Variants in MORN1 observed in about 807,000 individuals in gnomAD.
The protein encoded by MORN1 is MORN repeat containing 1, also known as MORN repeat-containing protein 1.
In MORN1, 67 loss-of-function variants were observed where a neutral mutation model predicts 61.9. The ratio of observed to expected loss-of-function variants is 1.08; its 90% CI spans 0.89 to 1.33. The LOEUF (loss-of-function observed/expected upper bound fraction) is 1.33. MORN1 is among the 40% of genes most tolerant of loss of function. MORN1 has a pLI of 0.00. For missense variants in MORN1, 752 were observed against 691.2 expected, an observed-to-expected ratio of 1.09 and a Z score of -0.99; for synonymous variants, 301 against 292.0, an observed-to-expected ratio of 1.03 and a Z score of -0.31.
chr1:2,325,125 T>TCCCTCCCTCC (rs1488574511), intron 12 of MORN1, among the ~76,000 whole-genome samples: 2 of 30,792 alleles, frequency 6.5e-5, no homozygotes, highest in Admixed American at 2.8e-4. Context: ...TTCCTTCCCT[T>TCCCTCCCTCC]CCTTCCTTCC....
At chr1:2,373,105 C>G (rs979310407) in intron 7 of MORN1, among the ~76,000 whole-genome samples, 25 of 152,332 alleles carry the variant, frequency 1.6e-4, no homozygotes, top group African/African-American at 6.0e-4. Flanking sequence ...TGGGTGGTGT[C>G]GTCACACCGC....
At chr1:2,378,826 G>T (rs774748903) in intron 6 of MORN1, 6 of 429,076 alleles carry the variant, frequency 1.4e-5, no homozygotes, top group Non-Finnish European at 2.8e-5. Flanking sequence ...TGTGGGGGAC[G>T]GAGATGGCTG....
chr1:2,333,552 G>T (rs778517701), intron 12 of MORN1, among the ~76,000 whole-genome samples: 1 of 152,194 alleles, frequency 6.6e-6, no homozygotes, highest in East Asian at 1.9e-4. Flanking sequence ...GGGAGGTCTC[G>T]GACCTCAGGG....
intron 13 of MORN1, chr1:2,322,132 G>C (rs1190447982): frequency 1.0e-6 from 1 of 985,302 alleles, no homozygotes; most frequent in African/African-American, 1.7e-5. Context: ...CCCTGCTGGG[G>C]GCACTCGGCA....
Position 2,325,105 on chromosome 1 carries a change from T to TTTCCTTCCCTTCCTTCCC in MORN1, c.1251-980_1251-963dup, listed in dbSNP as rs1232980754. On this transcript the variant is annotated intron_variant, in intron 12 of 13. Transcript: ENST00000378531. ...ATCTTACTTTCTTCTTTCTCTCCCC[T>TTTCCTTCCCTTCCTTCCC]TTCCTTCCCTTCCTTCCCTTCCTTC... is the stretch of plus-strand genomic sequence containing the variant. 5.7e-4 allele frequency among the ~76,000 whole-genome samples: 20 copies of TTTCCTTCCCTTCCTTCCC among 35,258 alleles called. 1 individual carries two copies. The highest frequency in any genetic ancestry group is 1.3e-3 in the South Asian group (1 of 774). The allele number at this position is 35,258 out of a possible 152,430, so 23.1% of individuals were successfully genotyped here. A position where few individuals can be genotyped will look rare whatever the true frequency, so the allele number is the denominator to read the frequency against.
chr1:2,360,025 C>T (rs1359626082), intron 8 of MORN1, among the ~76,000 whole-genome samples: 2 of 152,176 alleles, frequency 1.3e-5, no homozygotes, highest in Non-Finnish European at 2.9e-5. Context: ...AAAGCAGGGC[C>T]CAGGCAGGCT....
At chr1:2,355,192 T>C (rs920071812) in intron 10 of MORN1, 9 of 1,242,750 alleles carry the variant, frequency 7.2e-6, no homozygotes, top group Non-Finnish European at 9.1e-6. Flanking sequence ...AGTATTTTTA[T>C]GCAGAAATAT....
chr1:2,340,287 G>T (rs1641367799), intron 10 of MORN1, among the ~76,000 whole-genome samples: 3 of 152,156 alleles, frequency 2.0e-5, no homozygotes, highest in Admixed American at 1.3e-4. Context: ...CTCCTCAGGG[G>T]CCACACACCC....
intron 8 of MORN1, among the ~76,000 whole-genome samples, chr1:2,359,508 G>A (rs528695940): frequency 1.3e-5 from 2 of 152,324 alleles, no homozygotes; most frequent in South Asian, 2.1e-4. Flanking sequence ...AAGACCCCAC[G>A]TGGGAGTGCT....
rs1407957339 is a variant in MORN1 at position 2,370,489 on chromosome 1, T to C, written c.745+1992A>G. ...TCCATAAAAGAAAAAATGGACAAAC[T>C]GGACTTCAGCAAAATGAAAAACTTT... On this transcript the variant is annotated intron_variant, in intron 8 of 13. Coordinates refer to ENST00000378531, the MANE Select transcript of MORN1 (RefSeq NM_024848.3). Among the ~76,000 whole-genome samples, 3 of 152,098 alleles carry C rather than the reference T, an allele frequency of 2.0e-5. No individual in the cohort carries two copies. In the East Asian group the frequency reaches 5.8e-4, roughly 29 times the overall value.
intron 13 of MORN1, 37 bp from the exon 14 acceptor site, chr1:2,321,616 C>T (rs1273817256): frequency 2.1e-6 from 3 of 1,440,904 alleles, no homozygotes; most frequent in Non-Finnish European, 1.8e-6. Context: ...CAGCAGGCTC[C>T]TGTCCCTTCC....
chr1:2,361,279 G>A (rs1370845451), intron 8 of MORN1, among the ~76,000 whole-genome samples: 5 of 151,988 alleles, frequency 3.3e-5, no homozygotes, highest in African/African-American at 7.3e-5. Context: ...ACAAAGAGCC[G>A]GGCGCAGTGA....
rs1642540872 is a variant in MORN1, at chr1:2,387,772, C to T, written c.248-243G>A. ...TCTCTTTGGGCATCTATCCCGAGGG[C>T]AAAGGACCCTCTGGTCGGTTTGCAG... is the stretch of plus-strand genomic sequence containing the variant. On this transcript the variant is annotated intron_variant, in intron 3 of 13. Transcript: ENST00000378531. 1.9e-5 allele frequency: 10 copies of T among 535,200 alleles called. No homozygotes were observed. In the East Asian group the frequency reaches 2.7e-4, roughly 15 times the overall value. The allele number at this position is 535,200 out of a possible 1,614,324, so 33.2% of individuals were successfully genotyped here. A position where few individuals can be genotyped will look rare whatever the true frequency, so the allele number is the denominator to read the frequency against.
chr1:2,384,963 C>T lies in MORN1; in HGVS notation c.537+15G>A, dbSNP rs776546151. ...TGTACCCTCTGGGCAGCAGGTGCCG[C>T]GCGCCCCCGGGTACCTTGTAGGTGG... On this transcript the variant is annotated intron_variant, in intron 6 of 13. Transcript: ENST00000378531. The T allele has an allele frequency of 5.7e-5, 88 of 1,542,564 alleles. No homozygotes were observed. The highest frequency in any genetic ancestry group is 2.3e-4 in the Middle Eastern group (1 of 4,350).
chr1:2,327,195 CAG>C (rs1641048328), intron 12 of MORN1, among the ~76,000 whole-genome samples: 1 of 149,366 alleles, frequency 6.7e-6, no homozygotes, highest in Non-Finnish European at 1.5e-5. Context: ...CACAGAGACA[CAG>C]AAACACACAG....
At chr1:2,369,373 AAAG>A (rs1431521483) in intron 8 of MORN1, among the ~76,000 whole-genome samples, 1 of 151,590 alleles carries the variant, frequency 6.6e-6, no homozygotes, top group Non-Finnish European at 1.5e-5. Context: ...AAAAAAAAAA[AAAG>A]AAGACAGACA....
intron 6 of MORN1, chr1:2,374,900 T>C (rs954429030): frequency 3.4e-5 from 8 of 236,938 alleles, no homozygotes; most frequent in South Asian, 2.0e-4. Context: ...ATTGTGTTTG[T>C]GGCATGTATC....
intron 6 of MORN1, chr1:2,378,147 C>T (rs1642285628): frequency 6.6e-6 from 1 of 152,394 alleles, no homozygotes; most frequent in Non-Finnish European, 1.5e-5. Context: ...AGTGCCTGGG[C>T]TTCAAGGTGT....
intron 4 of MORN1, chr1:2,386,425 T>A (rs765353254): frequency 1.0e-4 from 16 of 155,254 alleles, no homozygotes; most frequent in Non-Finnish European, 1.9e-4. Context: ...CTTTTGTTTT[T>A]TTTGTTGTCG....
Sources: allele counts gnomAD v4.1 joint callset (sites outside exome capture counted in the v4.1 genomes callset), GRCh38; gene constraint gnomAD v4.1.1; transcripts MANE v1.5; gene names NCBI Gene and HGNC (gene_info 2026-07-23, HGNC 2026-07-21).